MYH14: variants seen among roughly 807,000 people sequenced by gnomAD.
The protein encoded by MYH14 is myosin heavy chain 14, also known as myosin-14.
A neutral mutation model predicts 255.5 loss-of-function variants in MYH14; 123 were observed. That is an observed-to-expected ratio of 0.48 (90% CI 0.42 to 0.56). The LOEUF (loss-of-function observed/expected upper bound fraction) is 0.56, where lower values mean the gene tolerates loss of function less well. Ranked by LOEUF, MYH14 falls within the 20% of genes least tolerant of loss-of-function variation. The pLI, the probability that MYH14 is intolerant of heterozygous loss-of-function variation, is 0.00. For missense variants in MYH14, 2,423 were observed against 2,802.3 expected (o/e 0.86, Z 3.06); for synonymous variants, 1,095 against 1,161.2 (o/e 0.94, Z 1.16).
chr19:50,251,567 C>T (rs866221941), intron 15 of MYH14, among the ~76,000 whole-genome samples: 2,225 of 118,412 alleles, frequency 0.019, 64 homozygotes, highest in African/African-American at 0.066. Context: ...CACACACACA[C>T]ACATATATAT....
At position 50,278,094 on chromosome 19, in the gene MYH14, A is replaced by G. The variant is rs758309547; in HGVS notation, c.3837A>G (p.Ala1279=). The change falls in exon 30 of 43, where the codon GCA becomes GCG. Residue 1279 remains alanine, a synonymous_variant. Transcript: ENST00000642316. ...CCTTCCCACACCAGGGCAAAGGTGC[A>G]TGGGAGAAGACCCGGCTGGCCCTGG... ...QLEQARRGKG[A]WEKTRLALEA... 4.4e-6 allele frequency: 7 copies of G among 1,585,190 alleles called. No individual in the cohort carries two copies. Among genetic ancestry groups the G allele is most frequent in the Non-Finnish European group, 5.2e-6 (6 of 1,160,332 alleles).
At chr19:50,290,749 G>T (rs2036043453) in intron 35 of MYH14, 138 bp from the exon 36 acceptor site, 1 of 854,800 alleles carries the variant, frequency 1.2e-6, no homozygotes, top group African/African-American at 1.7e-5. Flanking sequence ...AGGAGACCAA[G>T]TAAAGAGAGT....
At chr19:50,219,675 G>T (rs1383558940) in intron 3 of MYH14, among the ~76,000 whole-genome samples, 1 of 152,038 alleles carries the variant, frequency 6.6e-6, no homozygotes, top group African/African-American at 2.4e-5. Context: ...GCAGGTCAAG[G>T]CAGTTGTGTA....
chr19:50,263,570 C>G (rs2034969538), intron 22 of MYH14, 150 bp downstream of exon 22: 2 of 483,474 alleles, frequency 4.1e-6, no homozygotes, highest in Non-Finnish European at 7.2e-6. Flanking sequence ...AGCTGGGATT[C>G]TTTAGTTAGC....
chr19:50,267,105 C>A (rs2035115102), intron 23 of MYH14, 97 bp downstream of exon 23: 4 of 1,213,550 alleles, frequency 3.3e-6, no homozygotes, highest in Non-Finnish European at 4.6e-6. Flanking sequence ...TCCGGCTGAG[C>A]CAGCCTGTGC....
chr19:50,280,425 C>A lies in MYH14; in HGVS notation c.4290+42C>A, dbSNP rs1475551040. 1.4e-6 allele frequency: 2 copies of A among 1,478,180 alleles called. No homozygotes were observed. The highest frequency in any genetic ancestry group is 2.3e-5 in the Admixed American group (1 of 43,570). The allele number at this position is 1,478,180 out of a possible 1,614,324, so 91.6% of individuals were successfully genotyped here. ...AAGACCTTCAGGGAGGCACAGCCCCCCTCACTGCTCCTCCTGGGTTCCCCA... is the reference window on the plus strand; with the variant it reads ...AAGACCTTCAGGGAGGCACAGCCCCACTCACTGCTCCTCCTGGGTTCCCCA... On this transcript the variant is annotated intron_variant, in intron 32 of 42. Transcript: ENST00000642316. This position sits in a 1 kb window ranked among gnomAD's most constrained non-coding sequence, Gnocchi z 4.8.
intron 16 of MYH14, among the ~76,000 whole-genome samples, chr19:50,254,115 G>A (rs917653320): frequency 2.6e-5 from 4 of 152,082 alleles, no homozygotes; most frequent in African/African-American, 9.7e-5. Context: ...TACTCGGGGG[G>A]CTGAGGCAGG....
Position 50,266,800 on chromosome 19 carries a change from A to C in MYH14, c.2695-77A>C. The C allele has an allele frequency of 6.5e-7, 1 of 1,535,488 alleles. No homozygotes were observed. The highest frequency in any genetic ancestry group is 8.8e-7 in the Non-Finnish European group (1 of 1,134,000). ...GGTGGAGGAGAAGGGATTTGAACCC[A>C]GAAACTCAAACCCCACTAAGAGTGT... is the stretch of plus-strand genomic sequence containing the variant. On this transcript the variant is annotated intron_variant, in intron 22 of 42. Transcript: ENST00000642316. The surrounding 1 kb of genome is among the most constrained non-coding windows in gnomAD (Gnocchi z 4.1).
chr19:50,230,823 AGCTCTGTCCCGGGTCTGGCTC>A lies in MYH14; in HGVS notation c.973+203_973+223del, dbSNP rs1180009174. 3.5e-6 allele frequency: 2 copies of A among 578,788 alleles called. No homozygotes were observed. The highest frequency in any genetic ancestry group is 3.7e-5 in the African/African-American group (2 of 53,494). The allele number at this position is 578,788 out of a possible 1,614,324, so 35.9% of individuals were successfully genotyped here. ...GTGGGTTCTGCTGCGCTCTGGTTCC[AGCTCTGTCCCGGGTCTGGCTC>A]GCGCCCGCTGTCACGGCCACGCAGC... On this transcript the variant is annotated intron_variant, in intron 9 of 42. Transcript: ENST00000642316. The surrounding 1 kb of genome is among the most constrained non-coding windows in gnomAD (Gnocchi z 4.7).
At chr19:50,219,522 T>C (rs116961422) in intron 3 of MYH14, among the ~76,000 whole-genome samples, 2,780 of 152,244 alleles carry the variant, frequency 0.018, 43 homozygotes, top group Middle Eastern at 0.031. Context: ...CTCCGAACAA[T>C]ATTGGTTGGG....
At chr19:50,273,627 T>TGTGTGG (rs1438879110) in intron 27 of MYH14, among the ~76,000 whole-genome samples, 1 of 150,714 alleles carries the variant, frequency 6.6e-6, no homozygotes, top group Non-Finnish European at 1.5e-5. Flanking sequence ...TGTGTGTGTG[T>TGTGTGG]GTGTGGTTAA....
At chr19:50,212,840 C>T (rs1402362021) in intron 2 of MYH14, among the ~76,000 whole-genome samples, 1 of 152,098 alleles carries the variant, frequency 6.6e-6, no homozygotes, top group Non-Finnish European at 1.5e-5. Context: ...CCTCAAACAC[C>T]TTTACTAGCC....
Position 50,281,831 on chromosome 19 carries a change from A to G in MYH14, c.4528A>G (p.Lys1510Glu), listed in dbSNP as rs542808369. The G allele has an allele frequency of 1.2e-6, 2 of 1,610,832 alleles. No individual in the cohort carries two copies. Among genetic ancestry groups the G allele is most frequent in the Non-Finnish European group, 1.7e-6 (2 of 1,178,264 alleles). Residue 1510 changes from lysine to glutamate, a missense_variant, in exon 33 of 43, where the codon AAG becomes GAG. By Grantham distance (56) the Lys-to-Glu change is moderately conservative. Transcript: ENST00000642316. ...LVSTLEKKQR[K>E]FDQLLAEEKA... is the part of the protein sequence containing the mutation. ...GAGCACCCTGGAGAAGAAGCAGCGC[A>G]AGTTTGACCAGGTGGGGCACCTCAG...
chr19:50,254,358 T>C (rs1220757679), intron 16 of MYH14, among the ~76,000 whole-genome samples: 1 of 152,216 alleles, frequency 6.6e-6, no homozygotes, highest in Non-Finnish European at 1.5e-5. Context: ...TTTTTATGTC[T>C]CATATAGTAT....
At chr19:50,259,501 A>AT (rs1177938059) in intron 19 of MYH14, among the ~76,000 whole-genome samples, 1 of 152,210 alleles carries the variant, frequency 6.6e-6, no homozygotes. Context: ...TCTGGGGTAC[A>AT]TTGCTGCTGC....
chr19:50,239,802 G>C (rs936552553), intron 10 of MYH14, among the ~76,000 whole-genome samples: 2 of 152,172 alleles, frequency 1.3e-5, no homozygotes, highest in East Asian at 3.9e-4. Context: ...GCCCGCCTCA[G>C]CCTCCCAAAG....
rs897215222 is a variant in MYH14 at position 50,293,179 on chromosome 19, C to T, written c.5257-54C>T. On this transcript the variant is annotated intron_variant, in intron 37 of 42. Coordinates refer to ENST00000642316, the MANE Select transcript of MYH14 (RefSeq NM_001145809.2). This position sits in a 1 kb window ranked among gnomAD's most constrained non-coding sequence, Gnocchi z 4.1. The stretch of plus-strand genomic sequence containing the variant: ...TGAGGGACAGAGAAAGGGGTGAGAC[C>T]CGTGCCCAGATTGCTTCTCCTCACA... The T allele has an allele frequency of 4.5e-5, 59 of 1,297,684 alleles. No individual in the cohort carries two copies. Among genetic ancestry groups the T allele is most frequent in the Non-Finnish European group, 5.6e-5 (51 of 913,930 alleles). The allele number at this position is 1,297,684 out of a possible 1,614,324, so 80.4% of individuals were successfully genotyped here. A position where few individuals can be genotyped will look rare whatever the true frequency, so the allele number is the denominator to read the frequency against.
rs548905516 is a variant in MYH14 at position 50,250,971 on chromosome 19, C to T, written c.1830+283C>T. On this transcript the variant is annotated intron_variant, in intron 15 of 42. Coordinates refer to ENST00000642316, the MANE Select transcript of MYH14 (RefSeq NM_001145809.2). This position sits in a 1 kb window ranked among gnomAD's most constrained non-coding sequence, Gnocchi z 5.4. ...TATCCACTTATTCAGCAGATATGTG[C>T]GGGGTGCCATTTGTGTGCCCAGCTC... Among the ~76,000 whole-genome samples the T allele has an allele frequency of 7.2e-5, 11 of 152,248 alleles. No homozygotes were observed. The highest frequency in any genetic ancestry group is 2.1e-4 in the South Asian group (1 of 4,826).
rs61731838 is a variant in MYH14, at chr19:50,250,613, C to T, written c.1755C>T (p.Gly585=). Reference sequence around the variant, plus strand: ...TGGAGAAGGTAGCCCAGGAGCAGGGCGGCCACCCCAAGTTCCAGCGGCCGA... The same window carrying T: ...TGGAGAAGGTAGCCCAGGAGCAGGGTGGCCACCCCAAGTTCCAGCGGCCGA... The part of the protein sequence containing the change: ...SFVEKVAQEQ[G]GHPKFQRPRH... The change falls in exon 15 of 43, where the codon GGC becomes GGT. Residue 585 remains glycine, a synonymous_variant. Transcript: ENST00000642316. This position sits in a 1 kb window ranked among gnomAD's most constrained non-coding sequence, Gnocchi z 5.4. The T allele has an allele frequency of 0.067, 107,368 of 1,613,792 alleles. 4,603 individuals carry two copies. The highest frequency in any genetic ancestry group is 0.18 in the Admixed American group (11,033 of 59,970).
Sources: allele counts gnomAD v4.1 joint callset (sites outside exome capture counted in the v4.1 genomes callset), GRCh38; gene constraint gnomAD v4.1.1; non-coding constraint Gnocchi (gnomAD v3.1); transcripts MANE v1.5; gene names NCBI Gene and HGNC (gene_info 2026-07-23, HGNC 2026-07-21).